Variants in RIN3 observed in about 807,000 individuals in gnomAD.
RIN3 encodes the protein Ras and Rab interactor 3.
RIN3 carries 54 observed loss-of-function variants against 76.3 expected under a neutral mutation model. The observed-to-expected ratio is 0.71, with a 90% CI of 0.57 to 0.89. RIN3 has a LOEUF of 0.89. RIN3 is among the 40% of genes least tolerant of loss of function. The probability of loss-of-function intolerance (pLI) is 0.00; values close to 1 mark genes in which losing one functional copy is unlikely to be tolerated. For missense variants in RIN3, 1,256 were observed against 1,322.1 expected, an observed-to-expected ratio of 0.95 and a Z score of 0.78; for synonymous variants, 576 against 564.0, an observed-to-expected ratio of 1.02 and a Z score of -0.30.
intron 4 of RIN3, among the ~76,000 whole-genome samples, chr14:92,622,405 AT>A (rs1377047936): frequency 6.6e-5 from 10 of 152,182 alleles, no homozygotes; most frequent in Non-Finnish European, 1.3e-4. Context: ...CATCCTTATA[AT>A]TTGATAAGGC....
rs752300973 is a variant in RIN3, at chr14:92,685,091, C to A, written c.2572C>A (p.His858Asn). ...QLSVEVQDSI[H>N]RWERRRTLNK... ...GAGTGTGGAGGTGCAGGACTCCATC[C>A]ACCGCTGGGAGCGCCGGCGTACTCT... The change falls in exon 9 of 10, where the codon CAC (histidine) becomes AAC (asparagine). Residue 858 changes from histidine (H) to asparagine (N), a missense_variant. His to Asn is a moderately conservative substitution (Grantham distance 68). This residue lies in a region of RIN3 where 428 missense variants were observed against 521.2 expected (regional missense o/e 0.82). Coordinates refer to ENST00000216487, the MANE Select transcript of RIN3 (RefSeq NM_024832.5). The surrounding 1 kb of genome is among the most constrained non-coding windows in gnomAD (Gnocchi z 4.7). 3.4e-5 allele frequency: 55 copies of A among 1,613,810 alleles called. No homozygotes were observed. Among genetic ancestry groups the A allele is most frequent in the Non-Finnish European group, 4.4e-5 (52 of 1,179,934 alleles).
chr14:92,675,105 C>T (rs2060698224), intron 7 of RIN3, among the ~76,000 whole-genome samples: 1 of 152,136 alleles, frequency 6.6e-6, no homozygotes, highest in African/African-American at 2.4e-5. Flanking sequence ...TTGATTCCCC[C>T]AAGAAATAGG....
chr14:92,676,145 A>G (rs1461368913), intron 7 of RIN3, among the ~76,000 whole-genome samples: 1 of 151,786 alleles, frequency 6.6e-6, no homozygotes. Flanking sequence ...GTCCACGAAT[A>G]AATATGATGT....
At chr14:92,579,224 G>A (rs1038388785) in intron 3 of RIN3, among the ~76,000 whole-genome samples, 4 of 152,202 alleles carry the variant, frequency 2.6e-5, no homozygotes, top group South Asian at 2.1e-4. Context: ...CACCGTGCCC[G>A]GCCCTGAGCC....
chr14:92,661,751 A>ACG (rs1887891892), intron 7 of RIN3, among the ~76,000 whole-genome samples: 1 of 141,830 alleles, frequency 7.1e-6, no homozygotes, highest in Non-Finnish European at 1.5e-5. Context: ...ACACACACAC[A>ACG]CACACACAAA....
At position 92,554,456 on chromosome 14, in the gene RIN3, C is replaced by T. The variant is rs76488189; in HGVS notation, c.45-1295C>T. Among the ~76,000 whole-genome samples, 6 of 152,294 alleles carry T rather than the reference C, an allele frequency of 3.9e-5. No homozygotes were observed. In the East Asian group the frequency reaches 1.2e-3, roughly 29 times the overall value. ...TTGACTCATCCTCATTCTGGGGGCT[C>T]AGGCACTGTTGACTGGGAAGGGGTA... On this transcript the variant is annotated intron_variant, in intron 1 of 9. Coordinates refer to ENST00000216487, the MANE Select transcript of RIN3 (RefSeq NM_024832.5).
chr14:92,616,185 G>T (rs778889206), intron 4 of RIN3, among the ~76,000 whole-genome samples: 3 of 152,172 alleles, frequency 2.0e-5, no homozygotes, highest in African/African-American at 7.2e-5. Flanking sequence ...CCGGTGGAGG[G>T]TGTCCGGGTT....
chr14:92,574,359 A>G (rs1898152248), intron 2 of RIN3, among the ~76,000 whole-genome samples: 1 of 152,200 alleles, frequency 6.6e-6, no homozygotes, highest in African/African-American at 2.4e-5. Context: ...TATTACGTAG[A>G]TGGATTCTCT....
intron 7 of RIN3, among the ~76,000 whole-genome samples, chr14:92,668,223 A>C (rs760547451): frequency 6.6e-6 from 1 of 152,178 alleles, no homozygotes; most frequent in Non-Finnish European, 1.5e-5. Flanking sequence ...TTGACCTGAG[A>C]CTTGAACCCG....
intron 4 of RIN3, among the ~76,000 whole-genome samples, chr14:92,634,403 T>C (rs1364621242): frequency 6.6e-6 from 1 of 152,110 alleles, no homozygotes; most frequent in Non-Finnish European, 1.5e-5. Flanking sequence ...ATTTTAAAAA[T>C]TCCCATTTTT....
At chr14:92,668,974 G>A (rs939162592) in intron 7 of RIN3, among the ~76,000 whole-genome samples, 5 of 152,088 alleles carry the variant, frequency 3.3e-5, no homozygotes, top group South Asian at 2.1e-4. Context: ...TCATTCAACC[G>A]TTCAACAAAC....
intron 3 of RIN3, among the ~76,000 whole-genome samples, chr14:92,611,866 G>A (rs1046881626): frequency 1.2e-4 from 19 of 152,294 alleles, no homozygotes; most frequent in Middle Eastern, 6.8e-3. Context: ...GGCTGTACAG[G>A]AAGCATGATG....
intron 2 of RIN3, among the ~76,000 whole-genome samples, chr14:92,572,018 T>C (rs1056340903): frequency 2.6e-5 from 4 of 152,188 alleles, no homozygotes; most frequent in African/African-American, 9.7e-5. Flanking sequence ...AGTGAAAGTT[T>C]ATTAATAAAG....
intron 3 of RIN3, among the ~76,000 whole-genome samples, chr14:92,597,252 CAG>C (rs1885182170): frequency 6.6e-6 from 1 of 152,148 alleles, no homozygotes; most frequent in Non-Finnish European, 1.5e-5. Context: ...AAATTTCAAT[CAG>C]GGCATGATAG....
chr14:92,559,601 C>T (rs1335486009), intron 2 of RIN3, among the ~76,000 whole-genome samples: 1 of 152,212 alleles, frequency 6.6e-6, no homozygotes, highest in East Asian at 1.9e-4. Context: ...TAGCTAAGTG[C>T]TCTGTGAAAG....
intron 1 of RIN3, among the ~76,000 whole-genome samples, chr14:92,529,154 G>A (rs1566828459): frequency 6.6e-6 from 1 of 152,150 alleles, no homozygotes; most frequent in Admixed American, 6.6e-5. Context: ...CTAACAAAGG[G>A]ATACTTACAG....
rs1463081698 is a variant in RIN3, at chr14:92,688,203, G to A, written c.2909G>A (p.Gly970Asp). The change falls in exon 10 of 10, where the codon GGC (glycine) becomes GAC (aspartate). Residue 970 changes from glycine (G) to aspartate (D), a missense_variant. Transcript: ENST00000216487. ...CCCCTGGACGGTGGTGGCGGCGGCG[G>A]CGGCGGGAGCCCGCCCTGCCTGGTG... ...YRPLDGGGGG[G>D]GGSPPCLVVR... The A allele has an allele frequency of 1.9e-6, 3 of 1,606,050 alleles. No individual in the cohort carries two copies. The highest frequency in any genetic ancestry group is 2.2e-5 in the East Asian group (1 of 44,746).
intron 5 of RIN3, among the ~76,000 whole-genome samples, chr14:92,646,339 C>T (rs1887200297): frequency 6.6e-6 from 1 of 152,208 alleles, no homozygotes; most frequent in Non-Finnish European, 1.5e-5. Flanking sequence ...GGGTAGTGGG[C>T]CCCACCCTCT....
rs1344650428 is a variant in RIN3 at position 92,514,023 on chromosome 14, C to T, written c.44+47C>T. On this transcript the variant is annotated intron_variant, in intron 1 of 9. Transcript: ENST00000216487. This position sits in a 1 kb window ranked among gnomAD's most constrained non-coding sequence, Gnocchi z 7.2. Reference sequence around the variant, plus strand: ...CTCCTCCCTCGCGATCCCCACGGCCCGCGTCCTGGCCGCCCCACTCCACTT... The same window carrying T: ...CTCCTCCCTCGCGATCCCCACGGCCTGCGTCCTGGCCGCCCCACTCCACTT... The T allele has an allele frequency of 9.4e-6, 11 of 1,172,852 alleles. No individual in the cohort carries two copies. The highest frequency in any genetic ancestry group is 4.2e-5 in the Admixed American group (1 of 23,586). 72.7% of individuals were successfully genotyped at this position (1,172,852 alleles called of 1,614,324 possible).
Sources: allele counts gnomAD v4.1 joint callset (sites outside exome capture counted in the v4.1 genomes callset), GRCh38; gene constraint gnomAD v4.1.1; regional missense constraint gnomAD v4.1.1; non-coding constraint Gnocchi (gnomAD v3.1); transcripts MANE v1.5; gene names NCBI Gene and HGNC (gene_info 2026-07-23, HGNC 2026-07-21).